TTC28: variants seen among roughly 807,000 people sequenced by gnomAD.
The protein encoded by TTC28 is tetratricopeptide repeat domain 28, also known as tetratricopeptide repeat protein 28.
In TTC28, 61 loss-of-function variants were observed where a neutral mutation model predicts 198.0. The ratio of observed to expected loss-of-function variants is 0.31; its 90% CI spans 0.25 to 0.38. The LOEUF (loss-of-function observed/expected upper bound fraction) is 0.38. Among genes scored for constraint, TTC28 ranks in the 10% least tolerant of loss-of-function variants. The pLI is 1.00. For missense variants in TTC28, 2,678 were observed against 3,164.0 expected (o/e 0.85, Z 3.69); for synonymous variants, 1,171 against 1,297.8 (o/e 0.90, Z 2.10).
chr22:28,006,155 G>C (rs1170792657), intron 14 of TTC28, among the ~76,000 whole-genome samples: 1 of 152,164 alleles, frequency 6.6e-6, no homozygotes, highest in East Asian at 1.9e-4. Flanking sequence ...CCAGCATCTG[G>C]AATTGCTAGA....
chr22:28,530,657 G>A (rs987231285), intron 2 of TTC28, among the ~76,000 whole-genome samples: 13 of 152,192 alleles, frequency 8.5e-5, no homozygotes, highest in Admixed American at 6.5e-5. Flanking sequence ...GGCAGCCAGA[G>A]AGAAAGGTCG....
intron 5 of TTC28, among the ~76,000 whole-genome samples, chr22:28,289,196 G>A (rs952498217): frequency 6.6e-6 from 1 of 152,202 alleles, no homozygotes; most frequent in African/African-American, 2.4e-5. Flanking sequence ...GGTGAATGCA[G>A]AAATAGGCAC....
At chr22:28,607,536 A>T (rs542110839) in intron 2 of TTC28, among the ~76,000 whole-genome samples, 2 of 152,304 alleles carry the variant, frequency 1.3e-5, no homozygotes, top group East Asian at 3.9e-4. Context: ...ACATAAGACA[A>T]TTTTATTGTA....
At position 27,982,687 on chromosome 22, in the gene TTC28, G is replaced by A; in HGVS notation, c.6980C>T (p.Ser2327Phe). ...GSAPSPALSY[S>F]SAGSARSSPA... is the part of the protein sequence containing the mutation. ...ACTTGAGCGAGCAGATCCAGCTGAG[G>A]AGTAGGAGAGAGCTGGGGAGGGTGC... is the stretch of plus-strand genomic sequence containing the variant. The change falls in exon 23 of 23, where the codon TCC becomes TTC. Residue 2327 changes from serine to phenylalanine, a missense_variant. Physicochemically the swap from Ser to Phe is radical, Grantham distance 155. Around this residue, in one of 8 missense-constraint regions of TTC28, gnomAD observed 622 missense variants for 656.0 expected, o/e 0.95. Transcript: ENST00000397906. This position sits in a 1 kb window ranked among gnomAD's most constrained non-coding sequence, Gnocchi z 5.2. The A allele has an allele frequency of 6.4e-7, 1 of 1,551,736 alleles. No individual in the cohort carries two copies. The highest frequency in any genetic ancestry group is 8.7e-7 in the Non-Finnish European group (1 of 1,147,008).
At chr22:28,325,100 G>A (rs1177144494) in intron 2 of TTC28, among the ~76,000 whole-genome samples, 1 of 150,470 alleles carries the variant, frequency 6.6e-6, no homozygotes, top group African/African-American at 2.4e-5. Flanking sequence ...GAATCCGTCT[G>A]GTCCTGGACT....
intron 14 of TTC28, among the ~76,000 whole-genome samples, chr22:28,008,982 A>G (rs562216710): frequency 1.3e-5 from 2 of 152,344 alleles, no homozygotes; most frequent in South Asian, 2.1e-4. Context: ...TTAAAAACTA[A>G]TACCACAGAC....
chr22:28,387,731 A>T (rs913579612), intron 2 of TTC28, among the ~76,000 whole-genome samples: 1 of 152,180 alleles, frequency 6.6e-6, no homozygotes, highest in African/African-American at 2.4e-5. Flanking sequence ...GTCATTGTAG[A>T]TTCTGGATAT....
chr22:28,554,825 T>C (rs1252379795), intron 2 of TTC28, among the ~76,000 whole-genome samples: 1 of 152,046 alleles, frequency 6.6e-6, no homozygotes, highest in Admixed American at 6.6e-5. Flanking sequence ...GAGCCGAGAT[T>C]GTACCACTCT....
rs988673450 is a variant in TTC28, at chr22:28,608,854, T to C, written c.381+20698A>G. 5.3e-5 allele frequency among the ~76,000 whole-genome samples: 8 copies of C among 152,268 alleles called. No homozygotes were observed. In the South Asian group the frequency reaches 6.2e-4, roughly 12 times the overall value. ...TTCAGTAGATACACATGACAAAGAATAGAGATTTTAAAGAGTTAGTTTAGG... is the reference window on the plus strand; with the variant it reads ...TTCAGTAGATACACATGACAAAGAACAGAGATTTTAAAGAGTTAGTTTAGG... On this transcript the variant is annotated intron_variant, in intron 2 of 22. Transcript: ENST00000397906.
At chr22:28,176,876 C>G (rs1206420694) in intron 5 of TTC28, among the ~76,000 whole-genome samples, 1 of 152,068 alleles carries the variant, frequency 6.6e-6, no homozygotes, top group Admixed American at 6.6e-5. Context: ...TAGACACAGA[C>G]CTTACACATT....
chr22:27,983,108 C>G lies in TTC28; in HGVS notation c.6559G>C (p.Val2187Leu). Residue 2187 changes from valine (V) to leucine (L), a missense_variant, in exon 23 of 23, where the codon GTG becomes CTG. Around this residue, in one of 8 missense-constraint regions of TTC28, gnomAD observed 622 missense variants for 656.0 expected, o/e 0.95. Coordinates refer to ENST00000397906, the MANE Select transcript of TTC28 (RefSeq NM_001145418.2). ...TCTTCAGGGTTATTACTCTTGCTCA[C>G]CTGGCCGCCGCTCCTCTGAAGACGC... Reference protein sequence around the residue: ...VERLQRSGGQVSKSNNPEDGV... With the variant: ...VERLQRSGGQLSKSNNPEDGV... 2 of 1,551,768 alleles carry G rather than the reference C, an allele frequency of 1.3e-6. No individual in the cohort carries two copies. The highest frequency in any genetic ancestry group is 1.7e-6 in the Non-Finnish European group (2 of 1,147,022).
chr22:28,466,104 C>T (rs78846376), intron 2 of TTC28, among the ~76,000 whole-genome samples: 2,902 of 152,202 alleles, frequency 0.019, 29 homozygotes, highest in Non-Finnish European at 0.026. Context: ...AAGGAAGAAA[C>T]GGAAGTGATT....
At chr22:28,007,074 C>T (rs1937957341) in intron 14 of TTC28, 1 of 152,070 alleles carries the variant, frequency 6.6e-6, no homozygotes, top group African/African-American at 2.4e-5. Flanking sequence ...AGCTTTCAGA[C>T]TGATTAGACT....
chr22:28,194,635 A>G (rs1457545799), intron 5 of TTC28, among the ~76,000 whole-genome samples: 2 of 151,930 alleles, frequency 1.3e-5, no homozygotes, highest in Non-Finnish European at 2.9e-5. Context: ...ACAAACTACC[A>G]TCAGAGAATA....
At chr22:28,075,311 C>T (rs1163553255) in intron 12 of TTC28, among the ~76,000 whole-genome samples, 9 of 152,078 alleles carry the variant, frequency 5.9e-5, no homozygotes, top group Admixed American at 5.9e-4. Flanking sequence ...GGGCACAAGA[C>T]GAGTCTACAG....
At chr22:28,185,045 C>A (rs961641301) in intron 5 of TTC28, among the ~76,000 whole-genome samples, 1 of 152,040 alleles carries the variant, frequency 6.6e-6, no homozygotes, top group African/African-American at 2.4e-5. Flanking sequence ...TTTAGGTCTG[C>A]GTAAGGATAT....
chr22:28,291,266 A>C (rs975293547), intron 5 of TTC28, among the ~76,000 whole-genome samples: 7 of 152,166 alleles, frequency 4.6e-5, no homozygotes, highest in Non-Finnish European at 8.8e-5. Flanking sequence ...TTATAGGGCA[A>C]TAATAATTAA....
At position 28,014,245 on chromosome 22, in the gene TTC28, T is replaced by C; in HGVS notation, c.4218+3A>G. The C allele has an allele frequency of 6.5e-7, 1 of 1,549,726 alleles. No homozygotes were observed. Among genetic ancestry groups the C allele is most frequent in the Non-Finnish European group, 8.7e-7 (1 of 1,146,054 alleles). On this transcript the variant is annotated splice_donor_region_variant and intron_variant, in intron 14 of 22. Transcript: ENST00000397906. The stretch of plus-strand genomic sequence containing the variant: ...GAGCCTTGTGCCCCCAGGAGGTGCT[T>C]ACCCCTTCCATGGGCGCGATGAGCA...
intron 1 of TTC28, among the ~76,000 whole-genome samples, chr22:28,650,582 G>A (rs1424213139): frequency 6.6e-6 from 1 of 152,152 alleles, no homozygotes; most frequent in Admixed American, 6.6e-5. Flanking sequence ...TTAGAAGGAA[G>A]TGGTGCTAGA....
Sources: gnomAD v4.1 joint callset for allele counts (sites outside exome capture counted in the v4.1 genomes callset) on GRCh38, gnomAD v4.1.1 for gene constraint, gnomAD v4.1.1 regional missense constraint, Gnocchi (gnomAD v3.1) non-coding constraint, MANE v1.5 for transcripts, NCBI Gene and HGNC (gene_info 2026-07-23, HGNC 2026-07-21) for gene names.